The following GALNTL6 variants were observed in gnomAD, a reference collection of about 807,000 sequenced individuals.
GALNTL6 encodes polypeptide N-acetylgalactosaminyltransferase-like 6.
A neutral mutation model predicts 73.7 loss-of-function variants in GALNTL6; 46 were observed. That is an observed-to-expected ratio of 0.62 (90% CI 0.49 to 0.80). GALNTL6 has a LOEUF of 0.80. Among genes scored for constraint, GALNTL6 ranks in the 30% least tolerant of loss-of-function variants. GALNTL6 has a pLI of 0.00. For missense variants in GALNTL6, 604 were observed against 755.0 expected, an observed-to-expected ratio of 0.80 and a Z score of 2.34; for synonymous variants, 259 against 263.7, an observed-to-expected ratio of 0.98 and a Z score of 0.17.
chr4:172,364,514 T>A (rs1157735150), intron 5 of GALNTL6, among the ~76,000 whole-genome samples: 2 of 152,202 alleles, frequency 1.3e-5, no homozygotes, highest in African/African-American at 4.8e-5. Context: ...GTATTCTATT[T>A]ATTTAAATTG....
intron 8 of GALNTL6, among the ~76,000 whole-genome samples, chr4:172,911,557 CT>C (rs1747204847): frequency 6.6e-6 from 1 of 152,154 alleles, no homozygotes; most frequent in African/African-American, 2.4e-5. Context: ...AGTATTTAGC[CT>C]AGATGACATT....
In GALNTL6 at chr4:172,380,290, G is replaced by A. The variant is rs187918148; in HGVS notation, c.553+31601G>A. ...TTTTGGTCATAAAACGCACTTTAGG[G>A]GCTGCCATTGGGTATTCTTCTGGAA... On this transcript the variant is annotated intron_variant, in intron 5 of 12. Coordinates refer to ENST00000506823, the MANE Select transcript of GALNTL6 (RefSeq NM_001034845.3). The A allele has an allele frequency of 1.8e-3, 1,387 of 757,426 alleles. 19 individuals carry two copies. Among genetic ancestry groups the A allele is most frequent in the South Asian group, 0.013 (943 of 74,422 alleles). 46.9% of individuals were successfully genotyped at this position (757,426 alleles called of 1,614,324 possible). A position where few individuals can be genotyped will look rare whatever the true frequency, so the allele number is the denominator to read the frequency against.
At chr4:172,817,777 A>G (rs931009219) in intron 7 of GALNTL6, among the ~76,000 whole-genome samples, 3 of 152,174 alleles carry the variant, frequency 2.0e-5, no homozygotes, top group Non-Finnish European at 2.9e-5. Flanking sequence ...CAGGCATCCA[A>G]CCTCTGCAGT....
At chr4:173,002,022 G>A (rs1390338269) in intron 10 of GALNTL6, among the ~76,000 whole-genome samples, 1 of 152,172 alleles carries the variant, frequency 6.6e-6, no homozygotes. Flanking sequence ...AGGTGTATGG[G>A]CAAAATAATT....
intron 10 of GALNTL6, among the ~76,000 whole-genome samples, chr4:172,964,309 G>A (rs1750225525): frequency 6.6e-6 from 1 of 152,160 alleles, no homozygotes; most frequent in South Asian, 2.1e-4. Flanking sequence ...AAAAAGAAGA[G>A]TTCTGCAGAA....
At chr4:172,829,071 C>T (rs1378752764) in intron 7 of GALNTL6, among the ~76,000 whole-genome samples, 1 of 152,208 alleles carries the variant, frequency 6.6e-6, no homozygotes, top group Non-Finnish European at 1.5e-5. Context: ...CTCTGGTGTA[C>T]TCCCGTGCCT....
chr4:171,982,838 G>A (rs1739946950), intron 2 of GALNTL6, among the ~76,000 whole-genome samples: 1 of 152,088 alleles, frequency 6.6e-6, no homozygotes. Flanking sequence ...GTTAAGCTTG[G>A]GAACTGAGTC....
intron 2 of GALNTL6, among the ~76,000 whole-genome samples, chr4:171,861,478 A>G (rs1735829594): frequency 1.3e-5 from 2 of 152,180 alleles, no homozygotes; most frequent in African/African-American, 4.8e-5. Flanking sequence ...TCAGTTGAGT[A>G]TGTTTTTCAC....
rs549337455 is a variant in GALNTL6 at position 172,473,433 on chromosome 4, G to T, written c.553+124744G>T. ...CATATACACTGTTTTGGATTCTTCT[G>T]CCATTTTACCTTAAAACCACTTTGG... On this transcript the variant is annotated intron_variant, in intron 5 of 12. Coordinates refer to ENST00000506823, the MANE Select transcript of GALNTL6 (RefSeq NM_001034845.3). Among the ~76,000 whole-genome samples, 3 of 152,188 alleles carry T rather than the reference G, an allele frequency of 2.0e-5. No individual in the cohort carries two copies. The South Asian group carries it at 6.2e-4, about 32-fold the overall frequency.
chr4:172,497,997 T>TC (rs1446929783), intron 5 of GALNTL6, among the ~76,000 whole-genome samples: 1 of 147,500 alleles, frequency 6.8e-6, no homozygotes, highest in African/African-American at 2.5e-5. Context: ...ATTTCTTTTT[T>TC]TTTTGTTTTT....
chr4:172,958,045 T>C (rs961333234), intron 10 of GALNTL6, among the ~76,000 whole-genome samples: 5 of 152,094 alleles, frequency 3.3e-5, no homozygotes, highest in African/African-American at 1.2e-4. Flanking sequence ...CGGATTGAAG[T>C]CCGGGCCAGA....
intron 5 of GALNTL6, among the ~76,000 whole-genome samples, chr4:172,746,329 A>G (rs1050723527): frequency 6.6e-6 from 1 of 152,060 alleles, no homozygotes; most frequent in Non-Finnish European, 1.5e-5. Context: ...AATGGTACCA[A>G]TTTGTTTTTA....
chr4:172,314,696 C>T (rs568070487), intron 4 of GALNTL6, among the ~76,000 whole-genome samples: 28 of 150,740 alleles, frequency 1.9e-4, no homozygotes, highest in Non-Finnish European at 3.1e-4. Flanking sequence ...CAACCTCCGC[C>T]TCCTGGGTTC....
At chr4:172,190,664 G>T (rs1034691350) in intron 2 of GALNTL6, among the ~76,000 whole-genome samples, 1 of 152,134 alleles carries the variant, frequency 6.6e-6, no homozygotes, top group Non-Finnish European at 1.5e-5. Context: ...TTAGAACCAG[G>T]CCATATGGGC....
At chr4:172,074,317 G>A (rs1731638470) in intron 2 of GALNTL6, among the ~76,000 whole-genome samples, 1 of 152,120 alleles carries the variant, frequency 6.6e-6, no homozygotes, top group African/African-American at 2.4e-5. Context: ...TGTAAAACCT[G>A]CTTCAAAAGG....
chr4:172,583,096 A>C (rs778156528), intron 5 of GALNTL6, among the ~76,000 whole-genome samples: 3 of 151,888 alleles, frequency 2.0e-5, no homozygotes, highest in Non-Finnish European at 2.9e-5. Flanking sequence ...TAATTCTCCT[A>C]TAAGGACTTC....
intron 5 of GALNTL6, among the ~76,000 whole-genome samples, chr4:172,487,052 G>C (rs1236331668): frequency 6.6e-6 from 1 of 152,090 alleles, no homozygotes; most frequent in East Asian, 1.9e-4. Flanking sequence ...GAGCAGCAAG[G>C]TCTGACTGCA....
At chr4:172,776,042 C>A (rs1184927137) in intron 5 of GALNTL6, among the ~76,000 whole-genome samples, 1 of 152,096 alleles carries the variant, frequency 6.6e-6, no homozygotes, top group East Asian at 1.9e-4. Context: ...CCAGCTGATA[C>A]CTTGATTGCA....
chr4:173,022,077 AGG>A (rs1235710534), intron 12 of GALNTL6, among the ~76,000 whole-genome samples: 85 of 141,882 alleles, frequency 6.0e-4, no homozygotes, highest in Non-Finnish European at 7.9e-4. Flanking sequence ...GAAGGAAGGA[AGG>A]AAGGAAGGAA....
Sources: allele counts gnomAD v4.1 joint callset (sites outside exome capture counted in the v4.1 genomes callset), GRCh38; gene constraint gnomAD v4.1.1; transcripts MANE v1.5; gene names NCBI Gene and HGNC (gene_info 2026-07-23, HGNC 2026-07-21).